Variants in ZFYVE28 observed in about 807,000 individuals in gnomAD.
ZFYVE28 encodes the protein lateral signaling target protein 2 homolog.
In ZFYVE28, 40 loss-of-function variants were observed where a neutral mutation model predicts 82.1. The observed-to-expected ratio is 0.49, with a 90% CI of 0.38 to 0.63. ZFYVE28 has a LOEUF of 0.63. ZFYVE28 is among the 30% of genes least tolerant of loss of function. The probability of loss-of-function intolerance (pLI) is 0.00; values close to 1 mark genes in which losing one functional copy is unlikely to be tolerated. For synonymous variants in ZFYVE28, 612 were observed against 546.1 expected, an observed-to-expected ratio of 1.12 and a Z score of -1.68; for missense variants, 1,321 against 1,242.1, an observed-to-expected ratio of 1.06 and a Z score of -0.96.
chr4:2,371,596 G>C (rs1237683501), intron 1 of ZFYVE28, among the ~76,000 whole-genome samples: 5 of 152,182 alleles, frequency 3.3e-5, no homozygotes, highest in African/African-American at 1.2e-4. Context: ...GAAAAGCCAG[G>C]ATAGTATCTG....
intron 8 of ZFYVE28, among the ~76,000 whole-genome samples, chr4:2,283,577 C>CCACCCATCCATCCAT (rs1712287529): frequency 6.8e-6 from 1 of 147,038 alleles, no homozygotes; most frequent in Admixed American, 6.7e-5. Context: ...CGTCCATCCA[C>CCACCCATCCATCCAT]CCATCCATCC....
At chr4:2,413,113 T>C (rs1440692669) in intron 1 of ZFYVE28, among the ~76,000 whole-genome samples, 1 of 152,218 alleles carries the variant, frequency 6.6e-6, no homozygotes. Context: ...GCCCAGGCTC[T>C]TAATTGCCCT....
Position 2,283,901 on chromosome 4 carries a change from C to T in ZFYVE28, c.2052-9685G>A, listed in dbSNP as rs80323307. Among the ~76,000 whole-genome samples the T allele has an allele frequency of 9.0e-3, 1,374 of 152,158 alleles. 25 individuals carry two copies. Among genetic ancestry groups the T allele is most frequent in the African/African-American group, 0.031 (1,307 of 41,510 alleles). ...GAAGCAGCCGACAGACTGTAGGGAA[C>T]CCCCTGGTGATGCTGGGAGAGACCA... is the stretch of plus-strand genomic sequence containing the variant. On this transcript the variant is annotated intron_variant, in intron 8 of 12. Coordinates refer to ENST00000290974, the MANE Select transcript of ZFYVE28 (RefSeq NM_020972.3).
At chr4:2,330,753 A>G in intron 6 of ZFYVE28, 1 of 1,499,344 alleles carries the variant, frequency 6.7e-7, no homozygotes, top group South Asian at 1.3e-5. Flanking sequence ...AGTGCGGGGG[A>G]GGGGACAGTG....
chr4:2,319,978 G>C (rs1211656534), intron 7 of ZFYVE28, among the ~76,000 whole-genome samples, 192 bp downstream of exon 7: 6 of 152,188 alleles, frequency 3.9e-5, no homozygotes, highest in African/African-American at 1.4e-4. Context: ...CGATGCCCAG[G>C]CAGGGGCAAA....
intron 1 of ZFYVE28, among the ~76,000 whole-genome samples, chr4:2,375,532 G>A (rs1476073414): frequency 6.6e-6 from 1 of 152,208 alleles, no homozygotes; most frequent in Non-Finnish European, 1.5e-5. Flanking sequence ...ACAAGAATGA[G>A]CAGCGGCTGA....
intron 1 of ZFYVE28, among the ~76,000 whole-genome samples, chr4:2,398,041 G>GC (rs1386525557): frequency 6.6e-6 from 1 of 150,840 alleles, no homozygotes; most frequent in East Asian, 2.0e-4. Flanking sequence ...ATGGGAGGGG[G>GC]GGTCCTGGCA....
Position 2,341,702 on chromosome 4 carries a change from G to C in ZFYVE28, c.181-87C>G. On this transcript the variant is annotated intron_variant, in intron 2 of 12. Transcript: ENST00000290974. This position sits in a 1 kb window ranked among gnomAD's most constrained non-coding sequence, Gnocchi z 4.5. ...CTGCTGGAAAACACGCACGGTGCAT[G>C]TGACTGTTTTTTAGGATTATTAAAG... 6.5e-7 allele frequency: 1 copy of C among 1,528,698 alleles called. No homozygotes were observed. Among genetic ancestry groups the C allele is most frequent in the South Asian group, 1.2e-5 (1 of 81,078 alleles). 94.7% of individuals were successfully genotyped at this position (1,528,698 alleles called of 1,614,324 possible).
At chr4:2,284,476 A>G (rs1712429449) in intron 8 of ZFYVE28, among the ~76,000 whole-genome samples, 1 of 152,154 alleles carries the variant, frequency 6.6e-6, no homozygotes, top group African/African-American at 2.4e-5. Context: ...ATTTTGGTGG[A>G]GATTTCACCA....
chr4:2,316,817 C>T (rs1718284426), intron 7 of ZFYVE28, among the ~76,000 whole-genome samples: 1 of 151,774 alleles, frequency 6.6e-6, no homozygotes, highest in African/African-American at 2.4e-5. Flanking sequence ...CTCAGCCTCC[C>T]AAATAGCTGG....
chr4:2,307,576 C>T (rs541940466), intron 7 of ZFYVE28, among the ~76,000 whole-genome samples: 18 of 152,274 alleles, frequency 1.2e-4, no homozygotes, highest in African/African-American at 3.9e-4. Flanking sequence ...TCAAACTCCT[C>T]AGCTCAAATT....
intron 1 of ZFYVE28, among the ~76,000 whole-genome samples, chr4:2,387,998 C>A (rs1729450724): frequency 6.6e-6 from 1 of 152,226 alleles, no homozygotes; most frequent in Non-Finnish European, 1.5e-5. Context: ...AGTCGCCACC[C>A]TCGGACACAG....
intron 8 of ZFYVE28, among the ~76,000 whole-genome samples, chr4:2,303,573 C>T (rs758973768): frequency 6.6e-6 from 1 of 152,168 alleles, no homozygotes; most frequent in Non-Finnish European, 1.5e-5. Flanking sequence ...CCTGACAACG[C>T]AGCCATGAGT....
chr4:2,371,370 G>A (rs1578290485), intron 1 of ZFYVE28, among the ~76,000 whole-genome samples: 1 of 152,232 alleles, frequency 6.6e-6, no homozygotes, highest in Admixed American at 6.5e-5. Flanking sequence ...GCCACTAACA[G>A]ATGATTAAGA....
chr4:2,331,629 G>A (rs1307113230), intron 6 of ZFYVE28, among the ~76,000 whole-genome samples: 2 of 152,224 alleles, frequency 1.3e-5, no homozygotes, highest in Non-Finnish European at 2.9e-5. Context: ...ATCAGCAGGA[G>A]GGACTGACTG....
At chr4:2,271,566 G>T in intron 11 of ZFYVE28, 109 bp downstream of exon 11, 1 of 1,428,266 alleles carries the variant, frequency 7.0e-7, no homozygotes, top group Non-Finnish European at 9.8e-7. Context: ...GCTCCCACAT[G>T]CCCGGACAGG....
chr4:2,304,455 G>A lies in ZFYVE28; in HGVS notation c.1885C>T (p.Pro629Ser). 2.5e-6 allele frequency: 4 copies of A among 1,613,596 alleles called. No homozygotes were observed. Among genetic ancestry groups the A allele is most frequent in the Non-Finnish European group, 3.4e-6 (4 of 1,179,952 alleles). ...TGAGGCAGGCACTTGTCGGAAGTGG[G>A]GGCTTTGGGCTCCCGCCCGTTGGAG... ...DASNGREPKA[P>S]TSDKCLPHTS... is the part of the protein sequence containing the mutation. Residue 629 changes from proline (P) to serine (S), a missense_variant, in exon 8 of 13, where the codon CCC becomes TCC. Transcript: ENST00000290974.
intron 7 of ZFYVE28, among the ~76,000 whole-genome samples, chr4:2,317,650 T>C (rs1718428613): frequency 6.6e-6 from 1 of 152,136 alleles, no homozygotes; most frequent in Non-Finnish European, 1.5e-5. Flanking sequence ...GTTTTTTTTT[T>C]GAGACAGAGT....
chr4:2,298,874 G>A (rs568731399), intron 8 of ZFYVE28, among the ~76,000 whole-genome samples: 1 of 152,068 alleles, frequency 6.6e-6, no homozygotes, highest in Non-Finnish European at 1.5e-5. Context: ...GCCTCCTCCC[G>A]ACTAGTCATC....
Sources: gnomAD v4.1 joint callset for allele counts (sites outside exome capture counted in the v4.1 genomes callset) on GRCh38, gnomAD v4.1.1 for gene constraint, Gnocchi (gnomAD v3.1) non-coding constraint, MANE v1.5 for transcripts, NCBI Gene and HGNC (gene_info 2026-07-23, HGNC 2026-07-21) for gene names.